Variants in PDHX observed in about 807,000 individuals in gnomAD.
PDHX encodes pyruvate dehydrogenase complex component X.
A neutral mutation model predicts 55.3 loss-of-function variants in PDHX; 33 were observed. That is an observed-to-expected ratio of 0.60 (90% confidence interval 0.45 to 0.80). The LOEUF (loss-of-function observed/expected upper bound fraction) is 0.80. Among genes scored for constraint, PDHX ranks in the 30% least tolerant of loss-of-function variants. PDHX has a pLI of 0.00. For missense variants in PDHX, 622 were observed against 619.9 expected, an observed-to-expected ratio of 1.00 and a Z score of -0.04; for synonymous variants, 226 against 219.4, an observed-to-expected ratio of 1.03 and a Z score of -0.27.
At chr11:34,988,051 A>G (rs1363462623) in intron 9 of PDHX, among the ~76,000 whole-genome samples, 1 of 152,208 alleles carries the variant, frequency 6.6e-6, no homozygotes, top group Non-Finnish European at 1.5e-5. Flanking sequence ...TGGCTTATTT[A>G]AAAAGTAGAA....
At chr11:34,958,537 A>C (rs893134094) in intron 4 of PDHX, among the ~76,000 whole-genome samples, 6 of 152,170 alleles carry the variant, frequency 3.9e-5, no homozygotes, top group African/African-American at 1.4e-4. Flanking sequence ...TCCTGACTTC[A>C]TGATCCGCCT....
intron 3 of PDHX, 29 bp from the exon 4 acceptor site, chr11:34,957,355 C>T: frequency 7.0e-7 from 1 of 1,434,190 alleles, no homozygotes; most frequent in Non-Finnish European, 9.8e-7. Flanking sequence ...GGTTTTACTT[C>T]TCTACAGTTA....
chr11:34,960,404 C>T lies in PDHX; in HGVS notation c.543-16C>T. 1 of 1,548,454 alleles carries T rather than the reference C, an allele frequency of 6.5e-7. No individual in the cohort carries two copies. The highest frequency in any genetic ancestry group is 8.9e-7 in the Non-Finnish European group (1 of 1,120,710). Reference sequence around the variant, plus strand: ...AGTGTTAATTGGTTCTATTAACCTTCATATTTTTTTCTTAGGTTCCGTTTA... The same window carrying T: ...AGTGTTAATTGGTTCTATTAACCTTTATATTTTTTTCTTAGGTTCCGTTTA... On this transcript the variant is annotated splice_polypyrimidine_tract_variant and intron_variant, in intron 4 of 10. Transcript: ENST00000227868.
At chr11:34,932,325 GTGACAA>G (rs1192706629) in intron 2 of PDHX, among the ~76,000 whole-genome samples, 1 of 152,062 alleles carries the variant, frequency 6.6e-6, no homozygotes. Flanking sequence ...AAAAAAAGAA[GTGACAA>G]ATTGGACAAG....
intron 2 of PDHX, among the ~76,000 whole-genome samples, chr11:34,938,608 T>C (rs546365880): frequency 6.6e-6 from 1 of 152,328 alleles, no homozygotes; most frequent in African/African-American, 2.4e-5. Flanking sequence ...AACAGTCTTT[T>C]AGGGATTATT....
intron 2 of PDHX, among the ~76,000 whole-genome samples, chr11:34,935,993 G>A (rs1854300404): frequency 6.6e-6 from 1 of 152,196 alleles, no homozygotes; most frequent in Non-Finnish European, 1.5e-5. Flanking sequence ...ACCAGAGTCT[G>A]GAAGAGCTGT....
At chr11:34,951,606 A>G (rs1358879596) in intron 3 of PDHX, among the ~76,000 whole-genome samples, 1 of 152,182 alleles carries the variant, frequency 6.6e-6, no homozygotes. Context: ...GCCCTTTGTC[A>G]GATGAGTACG....
chr11:34,966,748 AG>A lies in PDHX; in HGVS notation c.751del (p.Ala251LeufsTer9). 1 of 1,614,142 alleles carries A rather than the reference AG, an allele frequency of 6.2e-7. No individual in the cohort carries two copies. Among genetic ancestry groups the A allele is most frequent in the Non-Finnish European group, 8.5e-7 (1 of 1,179,996 alleles). On this transcript the variant is annotated frameshift_variant, in exon 6 of 11. Transcript: ENST00000227868. LOFTEE classifies it high-confidence loss of function. Reference protein sequence around the residue: ...PTAPSPLQATAGPSYPRPVIP... With the variant: ...PTAPSPLQATXGPSYPRPVIP... ...CAGCACCTTCGCCCCTACAGGCCAC[AG>A]CTGGACCATCTTATCCCCGGCCTGT...
At chr11:34,936,168 T>C (rs1265035209) in intron 2 of PDHX, among the ~76,000 whole-genome samples, 2 of 151,838 alleles carry the variant, frequency 1.3e-5, no homozygotes, top group Admixed American at 6.6e-5. Flanking sequence ...GAGTCTGGGG[T>C]GTAAGGAAAG....
chr11:34,942,029 T>C (rs181023192), intron 2 of PDHX: 1 of 152,590 alleles, frequency 6.6e-6, no homozygotes, highest in African/African-American at 2.4e-5. Flanking sequence ...TGAGAAGCCA[T>C]CTGTCATCTC....
intron 7 of PDHX, among the ~76,000 whole-genome samples, chr11:34,971,420 TA>T (rs2133985076): frequency 6.6e-6 from 1 of 152,306 alleles, no homozygotes; most frequent in African/African-American, 2.4e-5. Context: ...TCTTTTATGT[TA>T]GCTATAGGTT....
chr11:34,922,327 A>G (rs1456644913), intron 1 of PDHX, among the ~76,000 whole-genome samples: 1 of 152,192 alleles, frequency 6.6e-6, no homozygotes, highest in Non-Finnish European at 1.5e-5. Flanking sequence ...TAGGTTTGGG[A>G]ATAATAAGTA....
Position 34,992,304 on chromosome 11 carries a change from A to AT in PDHX, c.1183-6dup. 1 of 1,562,670 alleles carries AT rather than the reference A, an allele frequency of 6.4e-7. No individual in the cohort carries two copies. Among genetic ancestry groups the AT allele is most frequent in the Non-Finnish European group, 8.8e-7 (1 of 1,134,100 alleles). ...TTGTTGGTTGTCCTATTCTGTTTGT[A>AT]TTTTTCTCAGGCTCTATCAAAGAAA... is the stretch of plus-strand genomic sequence containing the variant. On this transcript the variant is annotated splice_polypyrimidine_tract_variant and intron_variant, in intron 9 of 10. Transcript: ENST00000227868.
chr11:34,950,623 G>C (rs1412703872), intron 3 of PDHX, among the ~76,000 whole-genome samples: 1 of 151,294 alleles, frequency 6.6e-6, no homozygotes, highest in East Asian at 1.9e-4. Context: ...AGAACATTCG[G>C]TGTTTGGTTT....
intron 8 of PDHX, among the ~76,000 whole-genome samples, chr11:34,983,145 G>T (rs963731142): frequency 6.6e-6 from 1 of 152,044 alleles, no homozygotes; most frequent in Non-Finnish European, 1.5e-5. Flanking sequence ...ACTTAATCCC[G>T]CATGTAAACA....
At chr11:34,986,691 C>T (rs984109655) in intron 9 of PDHX, among the ~76,000 whole-genome samples, 2 of 152,120 alleles carry the variant, frequency 1.3e-5, no homozygotes, top group African/African-American at 4.8e-5. Context: ...ATCCTGAAGA[C>T]TCTAAGTTTA....
chr11:34,940,266 G>A (rs1019033452), intron 2 of PDHX, among the ~76,000 whole-genome samples: 16 of 152,170 alleles, frequency 1.1e-4, no homozygotes, highest in African/African-American at 3.4e-4. Flanking sequence ...TGTTGCTGCG[G>A]TATTCCTTAT....
intron 1 of PDHX, among the ~76,000 whole-genome samples, chr11:34,922,362 A>T (rs1177019035): frequency 2.0e-5 from 3 of 152,206 alleles, no homozygotes; most frequent in Non-Finnish European, 2.9e-5. Context: ...CTTACTATAT[A>T]CTATGCACCC....
intron 1 of PDHX, among the ~76,000 whole-genome samples, chr11:34,920,298 G>A (rs2915204): frequency 0.37 from 56,629 of 152,018 alleles, 10,932 homozygotes; most frequent in East Asian, 0.74. Context: ...AGAATAACAT[G>A]TTGAATTTAA....
Sources: gnomAD v4.1 joint callset for allele counts (sites outside exome capture counted in the v4.1 genomes callset) on GRCh38, gnomAD v4.1.1 for gene constraint, MANE v1.5 for transcripts, NCBI Gene and HGNC (gene_info 2026-07-23, HGNC 2026-07-21) for gene names.